The following PRRX2 variants were observed in gnomAD, a reference collection of about 807,000 sequenced individuals.
The protein encoded by PRRX2 is paired mesoderm homeobox protein 2.
In PRRX2, 11 loss-of-function variants were observed where a neutral mutation model predicts 18.0. The ratio of observed to expected loss-of-function variants is 0.61; its 90% CI spans 0.39 to 1.01. The LOEUF (loss-of-function observed/expected upper bound fraction) is 1.01, where lower values mean the gene tolerates loss of function less well. Among genes scored for constraint, PRRX2 ranks in the 50% least tolerant of loss-of-function variants. The probability of loss-of-function intolerance (pLI) is 0.01; values close to 1 mark genes in which losing one functional copy is unlikely to be tolerated. For synonymous variants in PRRX2, 177 were observed against 154.8 expected, an observed-to-expected ratio of 1.14 and a Z score of -1.06; for missense variants, 387 against 351.0, an observed-to-expected ratio of 1.10 and a Z score of -0.82.
chr9:129,666,900 G>C (rs1167315127), intron 1 of PRRX2, among the ~76,000 whole-genome samples: 1 of 152,188 alleles, frequency 6.6e-6, no homozygotes, highest in Non-Finnish European at 1.5e-5. Flanking sequence ...CTGTCCCCTA[G>C]CTCTGGGGAT....
intron 1 of PRRX2, among the ~76,000 whole-genome samples, chr9:129,711,758 C>T (rs1308023963): frequency 6.6e-6 from 1 of 152,110 alleles, no homozygotes; most frequent in Non-Finnish European, 1.5e-5. Context: ...ACCCACGGCA[C>T]TCTGCTAGTG....
intron 3 of PRRX2, among the ~76,000 whole-genome samples, chr9:129,721,698 G>A (rs1339520328): frequency 1.3e-5 from 2 of 152,130 alleles, no homozygotes; most frequent in East Asian, 3.9e-4. Context: ...TCCTGCCTCA[G>A]CCTCTTGGGT....
chr9:129,676,971 T>G (rs1401925388), intron 1 of PRRX2, among the ~76,000 whole-genome samples: 1 of 152,252 alleles, frequency 6.6e-6, no homozygotes, highest in African/African-American at 2.4e-5. Context: ...CCCCTTTGCC[T>G]TCCCCCTAAG....
At chr9:129,672,103 C>G (rs1434274924) in intron 1 of PRRX2, among the ~76,000 whole-genome samples, 2 of 152,076 alleles carry the variant, frequency 1.3e-5, no homozygotes, top group Non-Finnish European at 2.9e-5. Flanking sequence ...TTCCTAGACC[C>G]TAAAGGACAG....
At position 129,677,352 on chromosome 9, in the gene PRRX2, C is replaced by T. The variant is rs146267989; in HGVS notation, c.259+11226C>T. On this transcript the variant is annotated intron_variant, in intron 1 of 3. Transcript: ENST00000372469. ...ATAAAGTGACTTGACCCAGGAAATACGCAGTGATCCCCAGAGCCCAGGTAT... is the reference window on the plus strand; with the variant it reads ...ATAAAGTGACTTGACCCAGGAAATATGCAGTGATCCCCAGAGCCCAGGTAT... Among the ~76,000 whole-genome samples, 687 of 152,364 alleles carry T rather than the reference C, an allele frequency of 4.5e-3. 5 individuals are homozygous for T. The highest frequency in any genetic ancestry group is 0.015 in the African/African-American group (620 of 41,584).
intron 1 of PRRX2, chr9:129,712,817 C>CT (rs1357901266): frequency 6.6e-6 from 1 of 152,168 alleles, no homozygotes; most frequent in Non-Finnish European, 1.5e-5. Context: ...CACGGCCCTC[C>CT]TTGGAGAGTG....
intron 1 of PRRX2, among the ~76,000 whole-genome samples, chr9:129,683,659 C>T (rs1023704097): frequency 6.6e-6 from 1 of 151,900 alleles, no homozygotes. Flanking sequence ...GGCGGGAACC[C>T]GGGAGGCGGA....
Position 129,709,468 on chromosome 9 carries a change from T to A in PRRX2, c.260-9763T>A, listed in dbSNP as rs1006871184. Among the ~76,000 whole-genome samples the A allele has an allele frequency of 6.6e-5, 10 of 151,926 alleles. No homozygotes were observed. On this transcript the variant is annotated intron_variant, in intron 1 of 3. Coordinates refer to ENST00000372469, the MANE Select transcript of PRRX2 (RefSeq NM_016307.4). The surrounding 1 kb of genome is among the most constrained non-coding windows in gnomAD (Gnocchi z 4.2). Reference sequence around the variant, plus strand: ...CCACCATTCTTGCAGCCACACTGGCTACCGGCCCCCAGGGCTGGGAGCAGG... The same window carrying A: ...CCACCATTCTTGCAGCCACACTGGCAACCGGCCCCCAGGGCTGGGAGCAGG...
At position 129,715,940 on chromosome 9, in the gene PRRX2, T is replaced by TAACA. The variant is rs1466975160; in HGVS notation, c.260-3290_260-3287dup. On this transcript the variant is annotated intron_variant, in intron 1 of 3. Coordinates refer to ENST00000372469, the MANE Select transcript of PRRX2 (RefSeq NM_016307.4). This position sits in a 1 kb window ranked among gnomAD's most constrained non-coding sequence, Gnocchi z 4.0. ...GGCCTGGCATGTTCTAGAAGCTCAG[T>TAACA]AACAGTTCACTGAACAAATGCCCAG... 6.6e-6 allele frequency among the ~76,000 whole-genome samples: 1 copy of TAACA among 152,180 alleles called. No individual in the cohort carries two copies. Among genetic ancestry groups the TAACA allele is most frequent in the Non-Finnish European group, 1.5e-5 (1 of 68,030 alleles).
chr9:129,673,472 G>A (rs898956109), intron 1 of PRRX2, among the ~76,000 whole-genome samples: 3 of 152,018 alleles, frequency 2.0e-5, no homozygotes, highest in Non-Finnish European at 4.4e-5. Context: ...ATAAAAAAAC[G>A]AAACAAACAA....
chr9:129,698,257 C>CGGGGG (rs56233939), intron 1 of PRRX2, among the ~76,000 whole-genome samples: 1 of 20,602 alleles, frequency 4.9e-5, no homozygotes, highest in Non-Finnish European at 1.1e-4. Context: ...TTGGATGGGG[C>CGGGGG]GGGGGGGGGG....
chr9:129,686,214 C>T (rs1443492083), intron 1 of PRRX2, among the ~76,000 whole-genome samples: 2 of 152,146 alleles, frequency 1.3e-5, no homozygotes, highest in African/African-American at 2.4e-5. Context: ...CATGTAGGCT[C>T]CCCTTCTGGT....
chr9:129,705,536 G>A (rs1341316836), intron 1 of PRRX2, among the ~76,000 whole-genome samples: 3 of 151,966 alleles, frequency 2.0e-5, no homozygotes, highest in Non-Finnish European at 4.4e-5. Flanking sequence ...TGTATTTTTA[G>A]TAGAGACAGG....
intron 1 of PRRX2, among the ~76,000 whole-genome samples, chr9:129,673,677 C>G (rs867624915): frequency 1.3e-5 from 2 of 150,426 alleles, no homozygotes; most frequent in African/African-American, 4.9e-5. Context: ...CACACACACA[C>G]AGGCACACAC....
intron 1 of PRRX2, among the ~76,000 whole-genome samples, chr9:129,687,913 G>A (rs978000363): frequency 1.9e-4 from 29 of 152,314 alleles, no homozygotes; most frequent in Admixed American, 1.3e-3. Context: ...GGGCTTTCTG[G>A]AGGTAGCGGG....
intron 1 of PRRX2, among the ~76,000 whole-genome samples, chr9:129,673,318 AT>A (rs1323953616): frequency 6.6e-6 from 1 of 152,158 alleles, no homozygotes; most frequent in African/African-American, 2.4e-5. Context: ...TTAGCTGGGC[AT>A]GGTAGCATGC....
chr9:129,692,137 A>G (rs370515918), intron 1 of PRRX2, among the ~76,000 whole-genome samples: 1 of 150,418 alleles, frequency 6.6e-6, no homozygotes, highest in Non-Finnish European at 1.5e-5. Context: ...TTTAGAAGTG[A>G]TAAGGTTTTG....
At chr9:129,685,474 C>T (rs1001934802) in intron 1 of PRRX2, among the ~76,000 whole-genome samples, 21 of 152,176 alleles carry the variant, frequency 1.4e-4, no homozygotes, top group African/African-American at 4.8e-4. Flanking sequence ...TGTTGATCCT[C>T]CCACCTCAGC....
chr9:129,684,231 T>C (rs2119066007), intron 1 of PRRX2, among the ~76,000 whole-genome samples: 1 of 152,224 alleles, frequency 6.6e-6, no homozygotes, highest in East Asian at 1.9e-4. Context: ...TCACCTATGA[T>C]GGGTAGAAGA....
Sources: gnomAD v4.1 joint callset for allele counts (sites outside exome capture counted in the v4.1 genomes callset) on GRCh38, gnomAD v4.1.1 for gene constraint, Gnocchi (gnomAD v3.1) non-coding constraint, MANE v1.5 for transcripts, NCBI Gene and HGNC (gene_info 2026-07-23, HGNC 2026-07-21) for gene names.